Variants in CEP63 observed in about 807,000 individuals in gnomAD.
CEP63 encodes centrosomal protein of 63 kDa.
A neutral mutation model predicts 89.1 loss-of-function variants in CEP63; 84 were observed. The observed-to-expected ratio is 0.94, with a 90% confidence interval of 0.79 to 1.13. The LOEUF (loss-of-function observed/expected upper bound fraction) is 1.13. CEP63 is among the 50% of genes most tolerant of loss of function. The pLI is 0.00. For missense variants in CEP63, 838 were observed against 813.3 expected, an observed-to-expected ratio of 1.03 and a Z score of -0.37; for synonymous variants, 267 against 272.5, an observed-to-expected ratio of 0.98 and a Z score of 0.20.
the CEP63 span, among the ~76,000 whole-genome samples, chr3:134,762,664 C>T: frequency 3.3e-4 from 50 of 152,242 alleles, no homozygotes; most frequent in East Asian, 9.5e-3. Flanking sequence ...AGGAGAGAGG[C>T]CTGAAACAGA....
At chr3:134,593,345 A>G in the CEP63 span, among the ~76,000 whole-genome samples, 1 of 152,218 alleles carries the variant, frequency 6.6e-6, no homozygotes, top group African/African-American at 2.4e-5. Flanking sequence ...TCATTGTACC[A>G]TATGTTAGCT....
At chr3:134,581,445 G>A (rs1262723440) in intron 10 of CEP63, among the ~76,000 whole-genome samples, 1 of 151,734 alleles carries the variant, frequency 6.6e-6, no homozygotes, top group African/African-American at 2.4e-5. Context: ...GCCGGGCATG[G>A]TGGTGGGCAC....
intron 12 of CEP63, chr3:134,552,613 CTTAG>C (rs1295548475): frequency 1.3e-5 from 2 of 151,828 alleles, no homozygotes. Context: ...GTACCTGACA[CTTAG>C]TAAGTATGCA....
chr3:134,551,309 C>T (rs1954769877), intron 11 of CEP63, among the ~76,000 whole-genome samples: 1 of 152,000 alleles, frequency 6.6e-6, no homozygotes, highest in Non-Finnish European at 1.5e-5. Flanking sequence ...AGTGAGAAAG[C>T]ATAGCGTAAG....
At chr3:134,777,561 G>A in the CEP63 span, among the ~76,000 whole-genome samples, 60 of 149,244 alleles carry the variant, frequency 4.0e-4, no homozygotes, top group Admixed American at 1.1e-3. Flanking sequence ...GAGTATTGTG[G>A]TTTCTAACTT....
chr3:134,715,350 T>C, the CEP63 span, among the ~76,000 whole-genome samples: 1 of 151,974 alleles, frequency 6.6e-6, no homozygotes, highest in African/African-American at 2.4e-5. Flanking sequence ...CACTTATTAC[T>C]CTAAGTCACC....
chr3:134,528,609 G>A (rs1018761712), intron 3 of CEP63, among the ~76,000 whole-genome samples: 1 of 131,440 alleles, frequency 7.6e-6, no homozygotes, highest in African/African-American at 2.6e-5. Context: ...TTTGAGGGTT[G>A]CCTTTTCTCT....
the CEP63 span, among the ~76,000 whole-genome samples, chr3:134,758,105 C>G: frequency 6.6e-6 from 1 of 152,192 alleles, no homozygotes. Context: ...CTGTTACACG[C>G]TTCTATCACA....
chr3:134,771,240 T>G, the CEP63 span, among the ~76,000 whole-genome samples: 1 of 152,118 alleles, frequency 6.6e-6, no homozygotes, highest in Non-Finnish European at 1.5e-5. Context: ...GTAGAAGGAC[T>G]GAAAGGACTA....
chr3:134,754,959 C>T, the CEP63 span, among the ~76,000 whole-genome samples: 1 of 151,924 alleles, frequency 6.6e-6, no homozygotes, highest in Non-Finnish European at 1.5e-5. Context: ...ATCTCAGCTG[C>T]ACCCTGGGCT....
chr3:134,625,659 T>G, the CEP63 span, among the ~76,000 whole-genome samples: 1 of 152,192 alleles, frequency 6.6e-6, no homozygotes, highest in Non-Finnish European at 1.5e-5. Context: ...GGCCGGGCCA[T>G]CTGGGTCCTG....
the CEP63 span, chr3:134,604,496 C>T: frequency 6.3e-7 from 1 of 1,586,686 alleles, no homozygotes; most frequent in South Asian, 1.1e-5. Flanking sequence ...AAGTCAGGGT[C>T]AGCAGAGATG....
the CEP63 span, among the ~76,000 whole-genome samples, chr3:134,667,100 C>T: frequency 6.6e-6 from 1 of 152,254 alleles, no homozygotes; most frequent in Non-Finnish European, 1.5e-5. Flanking sequence ...AGATCCACAA[C>T]AGCTCTCATT....
At chr3:134,519,409 C>T (rs1946962827) in intron 3 of CEP63, among the ~76,000 whole-genome samples, 1 of 152,094 alleles carries the variant, frequency 6.6e-6, no homozygotes. Context: ...GCTGGGATTA[C>T]AGGCGTGAGC....
chr3:134,578,366 G>C (rs187937199), downstream of CEP63, among the ~76,000 whole-genome samples: 337 of 120,040 alleles, frequency 2.8e-3, no homozygotes, highest in Non-Finnish European at 4.6e-3. Context: ...GTCTTGCTCT[G>C]GTCACCCAGG....
downstream of CEP63, among the ~76,000 whole-genome samples, chr3:134,577,464 T>G (rs1958243806): frequency 8.8e-6 from 1 of 113,324 alleles, no homozygotes; most frequent in Non-Finnish European, 1.7e-5. Context: ...TGAGATGGAG[T>G]CTGGCTGTGT....
chr3:134,576,885 T>C (rs1169836129), downstream of CEP63, among the ~76,000 whole-genome samples: 1 of 152,196 alleles, frequency 6.6e-6, no homozygotes, highest in Non-Finnish European at 1.5e-5. Context: ...CACGGGCTTC[T>C]CAGGAAAAGC....
At chr3:134,714,669 G>A in the CEP63 span, among the ~76,000 whole-genome samples, 1 of 152,238 alleles carries the variant, frequency 6.6e-6, no homozygotes, top group African/African-American at 2.4e-5. Context: ...AGCAGATGTA[G>A]CATCTAGCTA....
chr3:134,605,602 A>C, the CEP63 span, among the ~76,000 whole-genome samples: 1 of 152,076 alleles, frequency 6.6e-6, no homozygotes, highest in Admixed American at 6.5e-5. Context: ...TGGCTGTCCC[A>C]GCTCAAAAGC....
Sources: allele counts gnomAD v4.1 joint callset (sites outside exome capture counted in the v4.1 genomes callset), GRCh38; gene constraint gnomAD v4.1.1; transcripts MANE v1.5; gene names NCBI Gene and HGNC (gene_info 2026-07-23, HGNC 2026-07-21).